TENM2: variants seen among roughly 807,000 people sequenced by gnomAD.
The protein encoded by TENM2 is teneurin-2.
In TENM2, 52 loss-of-function variants were observed where a neutral mutation model predicts 245.2. The observed-to-expected ratio is 0.21, with a 90% CI of 0.17 to 0.27. TENM2 has a LOEUF of 0.27. Ranked by LOEUF, TENM2 falls within the 10% of genes least tolerant of loss-of-function variation. TENM2 has a pLI of 1.00. For missense variants in TENM2, 3,046 were observed against 3,666.8 expected, an observed-to-expected ratio of 0.83 and a Z score of 4.37; for synonymous variants, 1,363 against 1,438.9, an observed-to-expected ratio of 0.95 and a Z score of 1.19.
Position 167,807,124 on chromosome 5 carries a change from TAAAAAAAAAAAAA to T in TENM2, c.503-68842_503-68830del, listed in dbSNP as rs1178739925. Among the ~76,000 whole-genome samples, 186 of 49,084 alleles carry T rather than the reference TAAAAAAAAAAAAA, an allele frequency of 3.8e-3. 2 individuals are homozygous for T. Among genetic ancestry groups the T allele is most frequent in the African/African-American group, 0.011 (125 of 11,850 alleles). The allele number at this position is 49,084 out of a possible 152,430, so 32.2% of individuals were successfully genotyped here. A position where few individuals can be genotyped will look rare whatever the true frequency, so the allele number is the denominator to read the frequency against. On this transcript the variant is annotated intron_variant, in intron 2 of 28. Coordinates refer to ENST00000518659, the Ensembl canonical transcript of TENM2. ...ACAGTTTGGCCCAAAGCCCCTAGGT[TAAAAAAAAAAAAA>T]AAAAAAAAAAAAAAAAAAAGAAGAA...
chr5:167,828,980 C>T (rs1271599624), intron 2 of TENM2, among the ~76,000 whole-genome samples: 1 of 152,176 alleles, frequency 6.6e-6, no homozygotes, highest in Non-Finnish European at 1.5e-5. Flanking sequence ...CTCTTGTCGC[C>T]TATGTTGATA....
In TENM2 at chr5:168,149,832, G is replaced by A. The variant is rs115117876; in HGVS notation, c.2423-12779G>A. On this transcript the variant is annotated intron_variant, in intron 12 of 28. Transcript: ENST00000518659. Reference sequence around the variant, plus strand: ...CTCACTCACTCTGCTACAGCCACACGGGCCTCCTCTCTGTCCTTCCAACAC... The same window carrying A: ...CTCACTCACTCTGCTACAGCCACACAGGCCTCCTCTCTGTCCTTCCAACAC... 6.3e-3 allele frequency among the ~76,000 whole-genome samples: 961 copies of A among 152,304 alleles called. 13 individuals are homozygous for A. The highest frequency in any genetic ancestry group is 0.027 in the Middle Eastern group (8 of 294).
intron 2 of TENM2, among the ~76,000 whole-genome samples, chr5:167,527,148 A>G (rs1303204246): frequency 6.6e-6 from 1 of 152,082 alleles, no homozygotes; most frequent in Non-Finnish European, 1.5e-5. Context: ...AAGATGGACA[A>G]CTGAAACTTT....
At chr5:167,059,566 A>G in the TENM2 span, among the ~76,000 whole-genome samples, 15 of 151,342 alleles carry the variant, frequency 9.9e-5, no homozygotes, top group African/African-American at 3.4e-4. Context: ...TTACTCCCCA[A>G]AGGCATTCAG....
At chr5:167,727,606 A>G (rs556245067) in intron 2 of TENM2, among the ~76,000 whole-genome samples, 2 of 152,356 alleles carry the variant, frequency 1.3e-5, no homozygotes, top group Admixed American at 1.3e-4. Context: ...TTTCGACATC[A>G]CTGGCCAAGG....
the TENM2 span, among the ~76,000 whole-genome samples, chr5:167,040,672 C>A: frequency 6.6e-6 from 1 of 152,060 alleles, no homozygotes; most frequent in Non-Finnish European, 1.5e-5. Flanking sequence ...AATGAATTAC[C>A]ATGCAAAGGG....
At chr5:167,520,790 A>G (rs1189761926) in intron 2 of TENM2, among the ~76,000 whole-genome samples, 1 of 151,410 alleles carries the variant, frequency 6.6e-6, no homozygotes, top group African/African-American at 2.4e-5. Context: ...CAACTTCCAC[A>G]TGGCCTCTAC....
chr5:168,195,921 C>T (rs1562268593), intron 15 of TENM2, among the ~76,000 whole-genome samples: 1 of 152,052 alleles, frequency 6.6e-6, no homozygotes, highest in Non-Finnish European at 1.5e-5. Flanking sequence ...AAGATGAAAG[C>T]TCTGTCATTT....
At chr5:167,704,120 G>T (rs1343639937) in intron 2 of TENM2, among the ~76,000 whole-genome samples, 1 of 152,126 alleles carries the variant, frequency 6.6e-6, no homozygotes, top group East Asian at 1.9e-4. Context: ...GCCTATGTTG[G>T]ATTACCTTGC....
At chr5:167,139,696 T>C in the TENM2 span, among the ~76,000 whole-genome samples, 1 of 152,250 alleles carries the variant, frequency 6.6e-6, no homozygotes, top group African/African-American at 2.4e-5. Context: ...ATGCAATTCA[T>C]ATATGTATAA....
rs566701237 is a variant in TENM2 at position 167,437,153 on chromosome 5, C to T, written c.502+61680C>T. ...GACACTCAACACCAGCCCGTGAGAG[C>T]AGCCAGGAGGGGGGCTATACCCTAC... is the stretch of plus-strand genomic sequence containing the variant. On this transcript the variant is annotated intron_variant, in intron 2 of 28. Coordinates refer to ENST00000518659, the Ensembl canonical transcript of TENM2. 3.3e-5 allele frequency among the ~76,000 whole-genome samples: 5 copies of T among 152,258 alleles called. No homozygotes were observed. The East Asian group carries it at 7.8e-4, about 24-fold the overall frequency.
At chr5:167,793,681 CA>C (rs80254612) in intron 2 of TENM2, among the ~76,000 whole-genome samples, 14,798 of 151,736 alleles carry the variant, frequency 0.098, 1,255 homozygotes, top group East Asian at 0.4. Context: ...CCAAAAAATG[CA>C]AAAATTAGCC....
intron 2 of TENM2, among the ~76,000 whole-genome samples, chr5:167,781,837 C>A (rs145963972): frequency 3.3e-5 from 5 of 151,768 alleles, no homozygotes; most frequent in East Asian, 1.9e-4. Context: ...GACAACATGA[C>A]AAAACCCTGT....
chr5:167,070,154 G>A, the TENM2 span, among the ~76,000 whole-genome samples: 1 of 94,944 alleles, frequency 1.1e-5, no homozygotes, highest in East Asian at 2.3e-4. Context: ...GTCTCACTCT[G>A]TCGCCCAGGC....
At chr5:167,858,934 C>T (rs1369601078) in intron 2 of TENM2, among the ~76,000 whole-genome samples, 1 of 136,372 alleles carries the variant, frequency 7.3e-6, no homozygotes, top group East Asian at 2.1e-4. Context: ...GCTGCCACCC[C>T]GTCTGGGAAG....
At chr5:167,910,888 A>T (rs1023022038) in intron 3 of TENM2, among the ~76,000 whole-genome samples, 7 of 152,200 alleles carry the variant, frequency 4.6e-5, no homozygotes, top group African/African-American at 1.7e-4. Flanking sequence ...AGAACCTATC[A>T]TTACTCTCAG....
chr5:167,162,683 G>A, the TENM2 span, among the ~76,000 whole-genome samples: 1 of 151,314 alleles, frequency 6.6e-6, no homozygotes, highest in African/African-American at 2.4e-5. Flanking sequence ...GGGAAAAAAG[G>A]CTTTAAGCCA....
chr5:167,381,944 A>G (rs1401778870), intron 2 of TENM2, among the ~76,000 whole-genome samples: 1 of 152,184 alleles, frequency 6.6e-6, no homozygotes, highest in East Asian at 1.9e-4. Context: ...AAATCAAATT[A>G]CAATCAATTT....
chr5:166,991,551 G>T, the TENM2 span, among the ~76,000 whole-genome samples: 1 of 152,086 alleles, frequency 6.6e-6, no homozygotes, highest in African/African-American at 2.4e-5. Flanking sequence ...TTTGGGGGTT[G>T]TATTCTTTTA....
Sources: gnomAD v4.1 joint callset for allele counts (sites outside exome capture counted in the v4.1 genomes callset) on GRCh38, gnomAD v4.1.1 for gene constraint, MANE v1.5 for transcripts, NCBI Gene and HGNC (gene_info 2026-07-23, HGNC 2026-07-21) for gene names.